SEC24C: variants seen among roughly 807,000 people sequenced by gnomAD.
SEC24C encodes the protein protein transport protein Sec24C.
Under a neutral mutation model 117.0 loss-of-function variants are expected in SEC24C, and 22 were observed. The ratio of observed to expected loss-of-function variants is 0.19; its 90% CI spans 0.13 to 0.27. The LOEUF is 0.27. Ranked by LOEUF, SEC24C falls within the 10% of genes least tolerant of loss-of-function variation. SEC24C has a pLI of 1.00. For missense variants in SEC24C, 1,155 were observed against 1,375.1 expected (o/e 0.84, Z 2.53); for synonymous variants, 506 against 529.4 (o/e 0.96, Z 0.61).
In SEC24C at chr10:73,751,133, G is replaced by C. The variant is rs201832892; in HGVS notation, c.198G>C (p.Ser66=). The change falls in exon 3 of 23, where the codon TCG becomes TCC. Residue 66 remains serine, a synonymous_variant. Transcript: ENST00000345254. ...GTATGTCAAGAGCCCCACCTTCCTCGGGGGCACCTCCAGCCTCAACAGCAC... is the reference window on the plus strand; with the variant it reads ...GTATGTCAAGAGCCCCACCTTCCTCCGGGGCACCTCCAGCCTCAACAGCAC... ...PQGMSRAPPS[S]GAPPASTAQA... is the part of the protein sequence containing the mutation. 2 of 1,613,918 alleles carry C rather than the reference G, an allele frequency of 1.2e-6. No homozygotes were observed. Among genetic ancestry groups the C allele is most frequent in the Admixed American group, 3.3e-5 (2 of 59,980 alleles).
Position 73,771,418 on chromosome 10 carries a change from C to A in SEC24C, c.*323C>A. On this transcript the variant is annotated 3_prime_UTR_variant, in exon 23 of 23. Coordinates refer to ENST00000345254, the MANE Select transcript of SEC24C (RefSeq NM_198597.3). The stretch of plus-strand genomic sequence containing the variant: ...CCCAGACCCTGGCAATATTATGTGT[C>A]CCTTTGGACCAGTCTCCCAAGAGGA... The A allele has an allele frequency of 3.6e-6, 1 of 275,604 alleles. No homozygotes were observed. The highest frequency in any genetic ancestry group is 8.8e-5 in the East Asian group (1 of 11,324). The allele number at this position is 275,604 out of a possible 1,614,324, so 17.1% of individuals were successfully genotyped here. A position where few individuals can be genotyped will look rare whatever the true frequency, so the allele number is the denominator to read the frequency against.
chr10:73,764,100 G>T lies in SEC24C; in HGVS notation c.1227+117G>T, dbSNP rs113204437. The T allele has an allele frequency of 1.4e-5, 19 of 1,336,278 alleles. 1 individual carries two copies. In the African/African-American group the frequency reaches 1.5e-4, roughly 10 times the overall value. 82.8% of individuals were successfully genotyped at this position (1,336,278 alleles called of 1,614,324 possible). A position where few individuals can be genotyped will look rare whatever the true frequency, so the allele number is the denominator to read the frequency against. ...TGGAAGATATTTTAGTTAGGCAGGAGAGGAGACTGTCTTTAGTGGCTTTCT... is the reference window on the plus strand; with the variant it reads ...TGGAAGATATTTTAGTTAGGCAGGATAGGAGACTGTCTTTAGTGGCTTTCT... On this transcript the variant is annotated intron_variant, in intron 8 of 22. Coordinates refer to ENST00000345254, the MANE Select transcript of SEC24C (RefSeq NM_198597.3).
chr10:73,765,114 G>A (rs1418912252), intron 8 of SEC24C, among the ~76,000 whole-genome samples: 2 of 152,150 alleles, frequency 1.3e-5, no homozygotes, highest in Admixed American at 6.6e-5. Context: ...TAGAGATGGG[G>A]CCAGAAAGGA....
At chr10:73,766,259 C>T (rs959151110) in intron 11 of SEC24C, 49 bp downstream of exon 11, 2 of 1,589,638 alleles carry the variant, frequency 1.3e-6, no homozygotes, top group Non-Finnish European at 1.7e-6. Flanking sequence ...GATAGGGTGT[C>T]TGGGTTGACT....
intron 3 of SEC24C, among the ~76,000 whole-genome samples, chr10:73,753,412 A>G (rs1275586739): frequency 2.0e-5 from 3 of 152,058 alleles, no homozygotes; most frequent in Non-Finnish European, 4.4e-5. Context: ...GCTCATGCCT[A>G]TAATCCCAGC....
At chr10:73,744,835 C>A (rs1322392657) in intron 1 of SEC24C, among the ~76,000 whole-genome samples, 1 of 152,176 alleles carries the variant, frequency 6.6e-6, no homozygotes, top group Non-Finnish European at 1.5e-5. Context: ...TCACCCTCGA[C>A]TATCCACCCA....
At chr10:73,751,292 G>T (rs1195442913) in intron 3 of SEC24C, 49 bp downstream of exon 3, 1 of 1,563,818 alleles carries the variant, frequency 6.4e-7, no homozygotes, top group African/African-American at 1.4e-5. Context: ...TGAGTGCAGT[G>T]GCTCATGCCT....
chr10:73,767,610 G>A (rs1321642706), intron 14 of SEC24C, among the ~76,000 whole-genome samples: 2 of 152,168 alleles, frequency 1.3e-5, no homozygotes, highest in Non-Finnish European at 2.9e-5. Context: ...AGAGGTTGCA[G>A]TGAGCTGAGA....
At chr10:73,765,105 A>C (rs2082860839) in intron 8 of SEC24C, among the ~76,000 whole-genome samples, 1 of 152,218 alleles carries the variant, frequency 6.6e-6, no homozygotes, top group South Asian at 2.1e-4. Context: ...GAAGGGCATT[A>C]GAGATGGGGC....
rs767632876 is a variant in SEC24C, at chr10:73,767,858, G to C, written c.2032G>C (p.Gly678Arg). 1.9e-6 allele frequency: 3 copies of C among 1,612,324 alleles called. No individual in the cohort carries two copies. The highest frequency in any genetic ancestry group is 2.5e-6 in the Non-Finnish European group (3 of 1,179,050). ...KEKTLFQPQT[G>R]AYQTLAKECV... ...CTAGACTCTGTTCCAGCCTCAGACA[G>C]GTGCCTATCAGACCCTGGCCAAAGA... The change falls in exon 15 of 23, where the codon GGT (glycine) becomes CGT (arginine). Residue 678 changes from glycine (G) to arginine (R), a missense_variant. By Grantham distance (125) the Gly-to-Arg change is moderately radical (BLOSUM62 -2). Around this residue, in one of 2 missense-constraint regions of SEC24C, gnomAD observed 759 missense variants for 992.3 expected, o/e 0.76. Coordinates refer to ENST00000345254, the MANE Select transcript of SEC24C (RefSeq NM_198597.3).
At chr10:73,764,597 ATCATGG>A (rs1174451361) in intron 8 of SEC24C, among the ~76,000 whole-genome samples, 1 of 151,908 alleles carries the variant, frequency 6.6e-6, no homozygotes, top group African/African-American at 2.4e-5. Context: ...AACCTCTCGT[ATCATGG>A]TCATCTCCAG....
chr10:73,769,863 C>T lies in SEC24C; in HGVS notation c.2710C>T (p.Leu904Phe). The change falls in exon 20 of 23, where the codon CTC (leucine) becomes TTC (phenylalanine). Residue 904 changes from leucine (L) to phenylalanine (F), a missense_variant. Physicochemically the swap from Leu to Phe is conservative, Grantham distance 22 (BLOSUM62 0). Around this residue, in one of 2 missense-constraint regions of SEC24C, gnomAD observed 759 missense variants for 992.3 expected, o/e 0.76. Transcript: ENST00000345254. The surrounding 1 kb of genome is among the most constrained non-coding windows in gnomAD (Gnocchi z 4.5). ...QLILPECMKL[L>F]PVYLNCVLKS... ...GATCCTTCCTGAGTGCATGAAGCTACTCCCAGTTTACCTGAACTGTGTGTT... is the reference window on the plus strand; with the variant it reads ...GATCCTTCCTGAGTGCATGAAGCTATTCCCAGTTTACCTGAACTGTGTGTT... The T allele has an allele frequency of 3.1e-6, 5 of 1,614,184 alleles. No individual in the cohort carries two copies. The highest frequency in any genetic ancestry group is 1.1e-5 in the South Asian group (1 of 91,088).
In SEC24C at chr10:73,766,922, C is replaced by A. The variant is rs1047942191; in HGVS notation, c.1893+69C>A. ...TCTGACCATCTTATCCCCTGGGATACAACCTCTCTTTCTTCAGTAGTGGGT... is the reference window on the plus strand; with the variant it reads ...TCTGACCATCTTATCCCCTGGGATAAAACCTCTCTTTCTTCAGTAGTGGGT... On this transcript the variant is annotated intron_variant, in intron 13 of 22. Transcript: ENST00000345254. 14 of 1,464,168 alleles carry A rather than the reference C, an allele frequency of 9.6e-6. No individual in the cohort carries two copies. In the African/African-American group the frequency reaches 1.3e-4, roughly 13 times the overall value. The allele number at this position is 1,464,168 out of a possible 1,614,324, so 90.7% of individuals were successfully genotyped here.
intron 3 of SEC24C, among the ~76,000 whole-genome samples, chr10:73,752,255 G>A (rs963828713): frequency 5.9e-5 from 9 of 152,102 alleles, no homozygotes; most frequent in African/African-American, 2.2e-4. Context: ...CCAGGTAGCT[G>A]GGACTACAGG....
intron 3 of SEC24C, among the ~76,000 whole-genome samples, chr10:73,754,381 C>T (rs2082682611): frequency 6.6e-6 from 1 of 152,154 alleles, no homozygotes; most frequent in South Asian, 2.1e-4. Flanking sequence ...TGCCACTGCA[C>T]TCCATCCTGG....
At chr10:73,747,522 T>G (rs2082574802) in intron 2 of SEC24C, among the ~76,000 whole-genome samples, 1 of 151,998 alleles carries the variant, frequency 6.6e-6, no homozygotes, top group South Asian at 2.1e-4. Flanking sequence ...AGCTAATTTT[T>G]TTGTCTTTTT....
At chr10:73,757,386 G>A (rs986924018) in intron 3 of SEC24C, among the ~76,000 whole-genome samples, 4 of 150,118 alleles carry the variant, frequency 2.7e-5, no homozygotes, top group Non-Finnish European at 4.4e-5. Context: ...GCTGAGCATT[G>A]TTGGTGTGCC....
Position 73,759,057 on chromosome 10 carries a change from A to G in SEC24C, c.309-565A>G, listed in dbSNP as rs186380786. Among the ~76,000 whole-genome samples, 10 of 152,298 alleles carry G rather than the reference A, an allele frequency of 6.6e-5. No individual in the cohort carries two copies. The South Asian group carries it at 1.2e-3, about 19-fold the overall frequency. On this transcript the variant is annotated intron_variant, in intron 3 of 22. Transcript: ENST00000345254. ...TAAAAAATGCGAAAACTAGCCACGCATGGTGGCGTGTGACTTTCGTTTCAG... is the reference window on the plus strand; with the variant it reads ...TAAAAAATGCGAAAACTAGCCACGCGTGGTGGCGTGTGACTTTCGTTTCAG...
intron 3 of SEC24C, among the ~76,000 whole-genome samples, chr10:73,752,770 G>A (rs1405940913): frequency 6.6e-6 from 1 of 152,076 alleles, no homozygotes; most frequent in Admixed American, 6.6e-5. Flanking sequence ...GCTGCAGTGA[G>A]CCATGATTGT....
Sources: gnomAD v4.1 joint callset for allele counts (sites outside exome capture counted in the v4.1 genomes callset) on GRCh38, gnomAD v4.1.1 for gene constraint, gnomAD v4.1.1 regional missense constraint, Gnocchi (gnomAD v3.1) non-coding constraint, MANE v1.5 for transcripts, NCBI Gene and HGNC (gene_info 2026-07-23, HGNC 2026-07-21) for gene names.